The following TNXB variants were observed in gnomAD, a reference collection of about 807,000 sequenced individuals.
TNXB encodes the protein tenascin XB, also known as tenascin-X.
Under a neutral mutation model 340.5 loss-of-function variants are expected in TNXB, and 183 were observed. The observed-to-expected ratio is 0.54, with a 90% CI of 0.48 to 0.61. The LOEUF is 0.61. Among genes scored for constraint, TNXB ranks in the 20% least tolerant of loss-of-function variants. The pLI is 0.00. For synonymous variants in TNXB, 2,121 were observed against 2,314.5 expected (o/e 0.92, Z 2.40); for missense variants, 4,613 against 5,446.4 (o/e 0.85, Z 4.82).
intron 22 of TNXB, among the ~76,000 whole-genome samples, chr6:32,057,345 C>T (rs1372988066): frequency 3.3e-5 from 5 of 152,198 alleles, no homozygotes; most frequent in Non-Finnish European, 7.3e-5. Context: ...AGCCTCAGAG[C>T]ATCTTTACCC....
chr6:32,041,299 C>A lies in TNXB; in HGVS notation c.*50G>T, dbSNP rs1186424853. 1 of 771,390 alleles carries A rather than the reference C, an allele frequency of 1.3e-6. No individual in the cohort carries two copies. 47.8% of individuals were successfully genotyped at this position (771,390 alleles called of 1,614,324 possible). On this transcript the variant is annotated 3_prime_UTR_variant, in exon 44 of 44. Transcript: ENST00000644971. ...ACCCTGGCTCTTCTCTCGGGGCGAC[C>A]CCTCAGTGCTCGGCAGTCATACTGG... is the stretch of plus-strand genomic sequence containing the variant.
intron 21 of TNXB, among the ~76,000 whole-genome samples, chr6:32,060,632 A>C (rs1562811853): frequency 6.6e-6 from 1 of 151,802 alleles, no homozygotes; most frequent in Non-Finnish European, 1.5e-5. Flanking sequence ...TCCTTACAAA[A>C]ATTTGGGCTC....
rs4713502 is a variant in TNXB, at chr6:32,100,173, C to T, written c.-8-1967G>A. ...AGAGTGGAGTACACTGGTGCTATCT[C>T]GGCTCACTGCAACCTCCGTCTCCCA... On this transcript the variant is annotated intron_variant, in intron 1 of 43. Coordinates refer to ENST00000644971, the MANE Select transcript of TNXB (RefSeq NM_001365276.2). Among the ~76,000 whole-genome samples, 449 of 151,106 alleles carry T rather than the reference C, an allele frequency of 3.0e-3. 12 individuals carry two copies. In the East Asian group the frequency reaches 0.057, roughly 19 times the overall value.
chr6:32,075,036 G>C lies in TNXB; in HGVS notation c.4376-1084C>G, dbSNP rs970459729. Among the ~76,000 whole-genome samples, 5 of 152,126 alleles carry C rather than the reference G, an allele frequency of 3.3e-5. No homozygotes were observed. In the East Asian group the frequency reaches 9.6e-4, roughly 29 times the overall value. On this transcript the variant is annotated intron_variant, in intron 11 of 43. Transcript: ENST00000644971. This position sits in a 1 kb window ranked among gnomAD's most constrained non-coding sequence, Gnocchi z 4.6. ...GATCTAAACCGCCAGAGTCATCCCC[G>C]AGTCCTCTCTTAAACTCCACATCCG...
In TNXB at chr6:32,070,424, A is replaced by G. The variant is rs908998467; in HGVS notation, c.4991-10T>C. Reference sequence around the variant, plus strand: ...GCGTCACCTCGGGCAACTGGAGAGGAAAGGTTCTTGTGTTTATTTTTTCCA... The same window carrying G: ...GCGTCACCTCGGGCAACTGGAGAGGGAAGGTTCTTGTGTTTATTTTTTCCA... On this transcript the variant is annotated splice_polypyrimidine_tract_variant and intron_variant, in intron 13 of 43. Coordinates refer to ENST00000644971, the MANE Select transcript of TNXB (RefSeq NM_001365276.2). The surrounding 1 kb of genome is among the most constrained non-coding windows in gnomAD (Gnocchi z 6.0). 1 of 1,576,990 alleles carries G rather than the reference A, an allele frequency of 6.3e-7. No individual in the cohort carries two copies. The highest frequency in any genetic ancestry group is 8.6e-7 in the Non-Finnish European group (1 of 1,159,176).
Position 32,072,731 on chromosome 6 carries a change from C to A in TNXB, c.4682-433G>T, listed in dbSNP as rs1282601319. On this transcript the variant is annotated intron_variant, in intron 12 of 43. Transcript: ENST00000644971. The surrounding 1 kb of genome is among the most constrained non-coding windows in gnomAD (Gnocchi z 4.4). ...ATGCCAGGCCGAGGCGGGTGGATCA[C>A]CTGAGGTCAGGAGTTTGAGGCCAGC... 6.6e-6 allele frequency among the ~76,000 whole-genome samples: 1 copy of A among 152,182 alleles called. No homozygotes were observed. Among genetic ancestry groups the A allele is most frequent in the African/African-American group, 2.4e-5 (1 of 41,436 alleles).
At position 32,089,107 on chromosome 6, in the gene TNXB, C is replaced by A; in HGVS notation, c.2516-59G>T. On this transcript the variant is annotated intron_variant, in intron 5 of 43. Coordinates refer to ENST00000644971, the MANE Select transcript of TNXB (RefSeq NM_001365276.2). This position sits in a 1 kb window ranked among gnomAD's most constrained non-coding sequence, Gnocchi z 6.2. ...GTCTGGTTCTTCAATCATCATCTTT[C>A]CTTCCAAGAGCCTAGCCCCCATCCA... is the stretch of plus-strand genomic sequence containing the variant. 1 of 1,588,700 alleles carries A rather than the reference C, an allele frequency of 6.3e-7. No homozygotes were observed. Among genetic ancestry groups the A allele is most frequent in the South Asian group, 1.1e-5 (1 of 86,978 alleles).
In TNXB at chr6:32,049,255, T is replaced by C; in HGVS notation, c.9757+15A>G. Reference sequence around the variant, plus strand: ...AGAGGTAAACCTGGGGACGAGGGCCTGTCCCCCCACTCACCCGTGATGCCC... The same window carrying C: ...AGAGGTAAACCTGGGGACGAGGGCCCGTCCCCCCACTCACCCGTGATGCCC... On this transcript the variant is annotated intron_variant, in intron 28 of 43. Transcript: ENST00000644971. This position sits in a 1 kb window ranked among gnomAD's most constrained non-coding sequence, Gnocchi z 4.5. 6.2e-7 allele frequency: 1 copy of C among 1,602,862 alleles called. No individual in the cohort carries two copies. The highest frequency in any genetic ancestry group is 8.5e-7 in the Non-Finnish European group (1 of 1,173,048).
rs765497989 is a variant in TNXB, at chr6:32,085,911, C to T, written c.2987G>A (p.Arg996Gln). The T allele has an allele frequency of 7.5e-6, 12 of 1,608,570 alleles. No homozygotes were observed. The highest frequency in any genetic ancestry group is 3.3e-5 in the South Asian group (3 of 90,182). ...ATGTGCCCCCGGCCCCTCGGGCACC[C>T]GCATGCGCAGTTGGAAGTAGGCAAA... ...DTFAYFQLRMRVPEGPGAHEE... is the reference protein window; with the variant it reads ...DTFAYFQLRMQVPEGPGAHEE... The change falls in exon 7 of 44, where the codon CGG becomes CAG. Residue 996 changes from arginine to glutamine, a missense_variant. Physicochemically the swap from Arg to Gln is conservative, Grantham distance 43. Transcript: ENST00000644971. The surrounding 1 kb of genome is among the most constrained non-coding windows in gnomAD (Gnocchi z 6.4).
At chr6:32,041,664 C>G (rs2151879090) in intron 43 of TNXB, 107 bp downstream of exon 43, 1 of 1,161,688 alleles carries the variant, frequency 8.6e-7, no homozygotes, top group East Asian at 2.5e-5. Flanking sequence ...CATGATTGTT[C>G]CATTTCACCC....
chr6:32,050,334 G>T lies in TNXB; in HGVS notation c.9116-13C>A. The stretch of plus-strand genomic sequence containing the variant: ...TCATCCTTTGGAGCTGGACAGACAC[G>T]TGTGGGGACAGTGAGGACCCTGGGT... On this transcript the variant is annotated splice_polypyrimidine_tract_variant and intron_variant, in intron 26 of 43. Transcript: ENST00000644971. The T allele has an allele frequency of 6.2e-7, 1 of 1,609,120 alleles. No homozygotes were observed. The highest frequency in any genetic ancestry group is 8.5e-7 in the Non-Finnish European group (1 of 1,176,558).
In TNXB at chr6:32,062,147, G is replaced by A. The variant is rs201957485; in HGVS notation, c.7168+10C>T. On this transcript the variant is annotated intron_variant, in intron 20 of 43. Transcript: ENST00000644971. The surrounding 1 kb of genome is among the most constrained non-coding windows in gnomAD (Gnocchi z 4.3). Reference sequence around the variant, plus strand: ...TGGCTCCCACCCTGGGGCTCCCATCGTCCACTCACCTGTCACCCCGATGGC... The same window carrying A: ...TGGCTCCCACCCTGGGGCTCCCATCATCCACTCACCTGTCACCCCGATGGC... The A allele has an allele frequency of 2.3e-5, 37 of 1,607,410 alleles. No individual in the cohort carries two copies. Among genetic ancestry groups the A allele is most frequent in the African/African-American group, 1.9e-4 (14 of 74,940 alleles).
chr6:32,078,800 G>C (rs1779259847), intron 11 of TNXB, among the ~76,000 whole-genome samples: 1 of 152,226 alleles, frequency 6.6e-6, no homozygotes, highest in African/African-American at 2.4e-5. Flanking sequence ...CAATAACTCT[G>C]TGAGGTAGGT....
In TNXB at chr6:32,047,729, C is replaced by G; in HGVS notation, c.10324+5G>C. ...GGAAAAGGTGGAGGCTGGACTGGGA[C>G]TCACCTGTGGTGCTGTCAGCAGAGA... On this transcript the variant is annotated splice_donor_5th_base_variant and intron_variant, in intron 30 of 43. Transcript: ENST00000644971. This position sits in a 1 kb window ranked among gnomAD's most constrained non-coding sequence, Gnocchi z 6.2. 1.3e-6 allele frequency: 2 copies of G among 1,587,408 alleles called. No homozygotes were observed. Among genetic ancestry groups the G allele is most frequent in the Non-Finnish European group, 1.7e-6 (2 of 1,164,558 alleles).
At position 32,072,514 on chromosome 6, in the gene TNXB, G is replaced by A. The variant is rs1297273958; in HGVS notation, c.4682-216C>T. Among the ~76,000 whole-genome samples, 5 of 152,186 alleles carry A rather than the reference G, an allele frequency of 3.3e-5. No individual in the cohort carries two copies. Among genetic ancestry groups the A allele is most frequent in the Admixed American group, 3.3e-4 (5 of 15,282 alleles). ...TTTGTTACCAATAGAAACCACAGAT[G>A]TTTTCATGTCACCTTAGAGTTATTG... is the stretch of plus-strand genomic sequence containing the variant. On this transcript the variant is annotated intron_variant, in intron 12 of 43. Coordinates refer to ENST00000644971, the MANE Select transcript of TNXB (RefSeq NM_001365276.2). This position sits in a 1 kb window ranked among gnomAD's most constrained non-coding sequence, Gnocchi z 4.4.
chr6:32,049,612 G>T lies in TNXB; in HGVS notation c.9440-25C>A. 6.2e-7 allele frequency: 1 copy of T among 1,601,002 alleles called. No individual in the cohort carries two copies. Among genetic ancestry groups the T allele is most frequent in the Non-Finnish European group, 8.5e-7 (1 of 1,171,796 alleles). ...TCTGCAGTGGAGAAGGAGGGAGAGA[G>T]AGTGAGGGGGATGTCCTTGGGTCCT... On this transcript the variant is annotated intron_variant, in intron 27 of 43. Transcript: ENST00000644971. This position sits in a 1 kb window ranked among gnomAD's most constrained non-coding sequence, Gnocchi z 4.5.
At chr6:32,076,093 T>C (rs1270298874) in intron 11 of TNXB, among the ~76,000 whole-genome samples, 2 of 152,200 alleles carry the variant, frequency 1.3e-5, no homozygotes, top group African/African-American at 2.4e-5. Flanking sequence ...TTTTCTCTCA[T>C]TTCATTTGCC....
intron 11 of TNXB, among the ~76,000 whole-genome samples, chr6:32,077,276 A>T (rs755911101): frequency 1.7e-4 from 26 of 152,144 alleles, no homozygotes; most frequent in Non-Finnish European, 3.5e-4. Flanking sequence ...AAGGACAGCC[A>T]CTCAGGGTGG....
chr6:32,055,258 C>T (rs1777555801), intron 24 of TNXB, among the ~76,000 whole-genome samples: 1 of 152,208 alleles, frequency 6.6e-6, no homozygotes, highest in South Asian at 2.1e-4. Flanking sequence ...CTAAGTCACC[C>T]CACAGTCCTC....
Sources: gnomAD v4.1 joint callset for allele counts (sites outside exome capture counted in the v4.1 genomes callset) on GRCh38, gnomAD v4.1.1 for gene constraint, Gnocchi (gnomAD v3.1) non-coding constraint, MANE v1.5 for transcripts, NCBI Gene and HGNC (gene_info 2026-07-23, HGNC 2026-07-21) for gene names.